SHLD2: variants seen among roughly 807,000 people sequenced by gnomAD.
SHLD2 encodes RINN1-REV7-interacting novel NHEJ regulator 2.
Under a neutral mutation model 73.2 loss-of-function variants are expected in SHLD2, and 30 were observed. The ratio of observed to expected loss-of-function variants is 0.41; its 90% CI spans 0.31 to 0.56. The LOEUF is 0.56. Among genes scored for constraint, SHLD2 ranks in the 20% least tolerant of loss-of-function variants. SHLD2 has a pLI of 0.28. For missense variants in SHLD2, 745 were observed against 1,055.9 expected (o/e 0.71, Z 4.08); for synonymous variants, 285 against 370.1 (o/e 0.77, Z 2.64).
chr10:87,183,097 G>A (rs991640690), intron 8 of SHLD2, among the ~76,000 whole-genome samples: 1 of 152,202 alleles, frequency 6.6e-6, no homozygotes, highest in African/African-American at 2.4e-5. Flanking sequence ...GGGAGATGAT[G>A]GTGGCTTGAC....
rs79425056 is a variant in SHLD2, at chr10:87,151,438, T to C, written c.84T>C (p.Ser28=). The C allele has an allele frequency of 6.2e-5, 99 of 1,609,250 alleles. No homozygotes were observed. In the East Asian group the frequency reaches 2.1e-3, roughly 34 times the overall value. ...TCACAGTATCAGAAGACACAGCTTC[T>C]TTAATGTCTGTTGCTGACCCCTGGA... ...LKITVSEDTA[S]LMSVADPWKK... is the part of the protein sequence containing the mutation. The change falls in exon 3 of 10, where the codon TCT becomes TCC. Residue 28 remains serine, a synonymous_variant. Transcript: ENST00000298786.
chr10:87,172,973 A>T (rs1404965701), intron 6 of SHLD2, among the ~76,000 whole-genome samples: 1 of 151,446 alleles, frequency 6.6e-6, no homozygotes, highest in African/African-American at 2.4e-5. Context: ...ATTTACTTTT[A>T]AAAACTTCTA....
intron 2 of SHLD2, among the ~76,000 whole-genome samples, chr10:87,148,449 T>C (rs542366546): frequency 9.9e-5 from 15 of 151,982 alleles, no homozygotes; most frequent in African/African-American, 3.1e-4. Flanking sequence ...ATTTGGCTTC[T>C]AGAAGGTCAT....
chr10:87,117,246 C>T (rs560171216), intron 2 of SHLD2, among the ~76,000 whole-genome samples: 52 of 151,930 alleles, frequency 3.4e-4, no homozygotes, highest in African/African-American at 1.1e-3. Flanking sequence ...ATTGAGAAAC[C>T]CCATCCCTAT....
chr10:87,161,369 C>T (rs1846801220), intron 4 of SHLD2, among the ~76,000 whole-genome samples: 1 of 151,928 alleles, frequency 6.6e-6, no homozygotes, highest in African/African-American at 2.4e-5. Context: ...TGAGCCCAGG[C>T]TGGGGGATGA....
At position 87,190,399 on chromosome 10, in the gene SHLD2, A is replaced by G. The variant is rs184961502; in HGVS notation, c.2516-85A>G. ...AAATGGGTTTGAGACTTGAGGAACC[A>G]AAAGAAACAATGAAACCATTCAATG... is the stretch of plus-strand genomic sequence containing the variant. On this transcript the variant is annotated intron_variant, in intron 9 of 9. Transcript: ENST00000298786. 2,306 of 1,181,198 alleles carry G rather than the reference A, an allele frequency of 2.0e-3. 23 individuals carry two copies. The African/African-American group carries it at 0.03, about 15-fold the overall frequency. 73.2% of individuals were successfully genotyped at this position (1,181,198 alleles called of 1,614,324 possible). A position where few individuals can be genotyped will look rare whatever the true frequency, so the allele number is the denominator to read the frequency against.
At chr10:87,113,425 A>G (rs970469863) in intron 2 of SHLD2, among the ~76,000 whole-genome samples, 1 of 152,246 alleles carries the variant, frequency 6.6e-6, no homozygotes, top group Non-Finnish European at 1.5e-5. Context: ...CAACATGGAT[A>G]AACCTTAAAA....
In SHLD2 at chr10:87,152,788, T is replaced by C. The variant is rs748398320; in HGVS notation, c.1434T>C (p.Asp478=). The change falls in exon 3 of 10, where the codon GAT becomes GAC. Residue 478 remains aspartate (D), a synonymous_variant. Transcript: ENST00000298786. ...CTTTAGCAACAGTTACAGTAATTGA[T>C]CAATCAGAAACTAAGAAGAAGGTTT... ...KVPLATVTVI[D]QSETKKKVFL... is the part of the protein sequence containing the mutation. The C allele has an allele frequency of 1.2e-6, 2 of 1,611,784 alleles. No homozygotes were observed. Among genetic ancestry groups the C allele is most frequent in the Non-Finnish European group, 1.7e-6 (2 of 1,179,814 alleles).
intron 2 of SHLD2, among the ~76,000 whole-genome samples, chr10:87,136,083 CATTT>C (rs1056038143): frequency 2.6e-5 from 4 of 151,684 alleles, no homozygotes; most frequent in African/African-American, 9.7e-5. Flanking sequence ...TCTTCTTCCT[CATTT>C]ATTTATCCAT....
chr10:87,127,525 A>ACCC (rs1434245122), intron 2 of SHLD2, among the ~76,000 whole-genome samples: 2 of 29,014 alleles, frequency 6.9e-5, no homozygotes, highest in African/African-American at 2.4e-4. Flanking sequence ...TGTCCCTCTT[A>ACCC]CCCGCCCCCC....
At chr10:87,168,107 C>T (rs1287454583) in intron 4 of SHLD2, among the ~76,000 whole-genome samples, 2 of 152,066 alleles carry the variant, frequency 1.3e-5, no homozygotes, top group African/African-American at 4.8e-5. Context: ...TATGATTTGA[C>T]CCAGCAATCC....
chr10:87,111,249 CCT>C (rs1842901899), intron 2 of SHLD2, among the ~76,000 whole-genome samples: 1 of 152,100 alleles, frequency 6.6e-6, no homozygotes, highest in Admixed American at 6.5e-5. Context: ...GCAGTTTCAA[CCT>C]CTCTAGACTC....
intron 6 of SHLD2, among the ~76,000 whole-genome samples, chr10:87,172,803 T>C (rs1847682557): frequency 6.6e-6 from 1 of 152,056 alleles, no homozygotes; most frequent in African/African-American, 2.4e-5. Context: ...CTCATTTTAA[T>C]AAAAATGTAT....
chr10:87,159,207 A>T (rs1473014600), intron 4 of SHLD2, among the ~76,000 whole-genome samples: 1 of 152,202 alleles, frequency 6.6e-6, no homozygotes, highest in Admixed American at 6.5e-5. Flanking sequence ...AGAAAGGCAG[A>T]GCAAGTAGAA....
chr10:87,097,078 A>C (rs1841948512), intron 2 of SHLD2, 89 bp downstream of exon 2: 1 of 152,234 alleles, frequency 6.6e-6, no homozygotes, highest in African/African-American at 2.4e-5. Context: ...ACGGAGTTTC[A>C]GAATAAAATG....
rs1044320409 is a variant in SHLD2, at chr10:87,099,422, G to A, written c.-6+2433G>A. Among the ~76,000 whole-genome samples, 8 of 152,266 alleles carry A rather than the reference G, an allele frequency of 5.3e-5. No homozygotes were observed. In the South Asian group the frequency reaches 1.7e-3, roughly 32 times the overall value. On this transcript the variant is annotated intron_variant, in intron 2 of 9. Transcript: ENST00000298786. ...GACTTTTCCTATAAAAGATGTATGT[G>A]GCCCTTTGTGACCGTCTTCTTTCAC... is the stretch of plus-strand genomic sequence containing the variant.
intron 2 of SHLD2, among the ~76,000 whole-genome samples, chr10:87,141,729 G>A (rs1483899470): frequency 1.3e-5 from 2 of 152,134 alleles, no homozygotes; most frequent in Non-Finnish European, 2.9e-5. Context: ...ACATGGATAT[G>A]TATCAAAACA....
At chr10:87,094,728 G>A (rs1217328744), upstream of SHLD2, 33 of 1,518,180 alleles carry the variant, frequency 2.2e-5, no homozygotes, top group East Asian at 2.8e-5. The surrounding 1 kb of genome is among the most constrained non-coding windows in gnomAD (Gnocchi z 6.6). Flanking sequence ...CAGCGGGCCC[G>A]GCCCGGGACA....
chr10:87,120,258 A>ATTTT (rs1026313828), intron 2 of SHLD2, among the ~76,000 whole-genome samples: 2,443 of 148,708 alleles, frequency 0.016, 68 homozygotes, highest in African/African-American at 0.055. Context: ...TTATTTATTT[A>ATTTT]TTTTTTTGAG....
Sources: allele counts gnomAD v4.1 joint callset (sites outside exome capture counted in the v4.1 genomes callset), GRCh38; gene constraint gnomAD v4.1.1; non-coding constraint Gnocchi (gnomAD v3.1); transcripts MANE v1.5; gene names NCBI Gene and HGNC (gene_info 2026-07-23, HGNC 2026-07-21).